The following TUSC3 variants were observed in gnomAD, a reference collection of about 807,000 sequenced individuals.
The protein encoded by TUSC3 is dolichyl-diphosphooligosaccharide--protein glycosyltransferase subunit TUSC3.
In TUSC3, 45 loss-of-function variants were observed where a neutral mutation model predicts 44.8. That is an observed-to-expected ratio of 1.00 (90% CI 0.79 to 1.29). The LOEUF is 1.29. Ranked by LOEUF, TUSC3 falls within the 50% of genes most tolerant of loss-of-function variation. The pLI is 0.00. For synonymous variants in TUSC3, 212 were observed against 152.9 expected (o/e 1.39, Z -2.85); for missense variants, 519 against 437.9 (o/e 1.19, Z -1.65).
At chr8:15,631,655 G>A (rs954891477) in intron 2 of TUSC3, among the ~76,000 whole-genome samples, 1 of 147,948 alleles carries the variant, frequency 6.8e-6, no homozygotes, top group African/African-American at 2.5e-5. Context: ...TACATCTCTT[G>A]AGTTTAAGGC....
intron 1 of TUSC3, among the ~76,000 whole-genome samples, chr8:15,593,807 G>A (rs566753225): frequency 2.6e-5 from 4 of 151,390 alleles, no homozygotes; most frequent in East Asian, 1.9e-4. Context: ...GTTTACCATC[G>A]TCCAGTCCCT....
chr8:15,650,666 T>G (rs1312786737), intron 2 of TUSC3, 31 bp from the exon 3 acceptor site: 1 of 1,587,068 alleles, frequency 6.3e-7, no homozygotes, highest in Non-Finnish European at 8.7e-7. Context: ...AGTACTGATG[T>G]GTTTCTACTA....
At chr8:15,774,851 G>T in the TUSC3 span, among the ~76,000 whole-genome samples, 6 of 152,080 alleles carry the variant, frequency 3.9e-5, no homozygotes, top group South Asian at 4.1e-4. Context: ...CAGATGTGAA[G>T]AAAATGAAGC....
At chr8:15,565,545 G>C (rs756192899) in intron 1 of TUSC3, among the ~76,000 whole-genome samples, 8 of 152,140 alleles carry the variant, frequency 5.3e-5, no homozygotes, top group Admixed American at 2.0e-4. Context: ...ATACACTCCA[G>C]GTGTAGAAAT....
intron 6 of TUSC3, among the ~76,000 whole-genome samples, chr8:15,680,839 G>T (rs1219934677): frequency 1.3e-5 from 2 of 151,948 alleles, no homozygotes; most frequent in East Asian, 1.9e-4. Context: ...CTATTGTGAT[G>T]ATATGGTTTT....
At chr8:15,521,404 CAG>C (rs1213987324) in intron 2 of TUSC3, among the ~76,000 whole-genome samples, 2 of 152,098 alleles carry the variant, frequency 1.3e-5, no homozygotes, top group African/African-American at 4.8e-5. Context: ...AGGAATGAAA[CAG>C]AGAAAAGGCA....
At chr8:15,754,819 T>G (rs1811856284) in intron 9 of TUSC3, among the ~76,000 whole-genome samples, 1 of 152,084 alleles carries the variant, frequency 6.6e-6, no homozygotes, top group African/African-American at 2.4e-5. Flanking sequence ...TTCCTCACAA[T>G]TTTGAATTTT....
At chr8:15,486,730 A>C (rs1381225323) in intron 2 of TUSC3, among the ~76,000 whole-genome samples, 1 of 152,170 alleles carries the variant, frequency 6.6e-6, no homozygotes, top group Non-Finnish European at 1.5e-5. Flanking sequence ...GGCACAAGCC[A>C]CCGCGCCTGG....
intron 1 of TUSC3, among the ~76,000 whole-genome samples, chr8:15,430,004 A>C (rs1799852406): frequency 6.6e-6 from 1 of 151,602 alleles, no homozygotes; most frequent in African/African-American, 2.4e-5. Flanking sequence ...CAACCAAAAA[A>C]AATCCAGGAC....
intron 6 of TUSC3, among the ~76,000 whole-genome samples, chr8:15,676,424 C>G (rs937227771): frequency 6.6e-6 from 1 of 152,044 alleles, no homozygotes; most frequent in African/African-American, 2.4e-5. Context: ...TGTAGGGTGT[C>G]TTTTTAGTCT....
rs1178409351 is a variant in TUSC3 at position 15,459,877 on chromosome 8, TACATAC to T, written n.92-23507_92-23502del. On this transcript the variant is annotated intron_variant and non_coding_transcript_variant, in intron 1 of 5. Transcript: ENST00000503191. ...GTGTATGTGTGTGTGTGTGTGTGTA[TACATAC>T]ATACATACATACATACATACACACA... Among the ~76,000 whole-genome samples, 98 of 141,770 alleles carry T rather than the reference TACATAC, an allele frequency of 6.9e-4. 1 individual carries two copies. The highest frequency in any genetic ancestry group is 2.7e-3 in the African/African-American group (91 of 33,228). 93.0% of individuals were successfully genotyped at this position (141,770 alleles called of 152,430 possible).
chr8:15,774,714 T>G, the TUSC3 span, among the ~76,000 whole-genome samples: 1 of 152,068 alleles, frequency 6.6e-6, no homozygotes, highest in Non-Finnish European at 1.5e-5. Context: ...ATGTCAACAA[T>G]CACATAAGGT....
At chr8:15,530,516 G>A (rs1430041138) in intron 2 of TUSC3, among the ~76,000 whole-genome samples, 4 of 152,140 alleles carry the variant, frequency 2.6e-5, no homozygotes, top group Admixed American at 2.6e-4. Flanking sequence ...ACTGAGCACA[G>A]AGATGTGAAA....
chr8:15,540,715 G>A, intron 1 of TUSC3, 147 bp downstream of exon 1: 1 of 1,149,688 alleles, frequency 8.7e-7, no homozygotes, highest in Non-Finnish European at 1.2e-6. Context: ...AGGGTGGGAG[G>A]CCCTGGGGCG....
In TUSC3 at chr8:15,700,849, C is replaced by CTTTTTTTTTTTTTTTTTTTTTTTT. The variant is rs71211076; in HGVS notation, c.798+27031_798+27032insTTTTTTTTTTTTTTTTTTTTTTTT. Among the ~76,000 whole-genome samples, 87 of 90,534 alleles carry CTTTTTTTTTTTTTTTTTTTTTTTT rather than the reference C, an allele frequency of 9.6e-4. 7 individuals are homozygous for CTTTTTTTTTTTTTTTTTTTTTTTT. Among genetic ancestry groups the CTTTTTTTTTTTTTTTTTTTTTTTT allele is most frequent in the African/African-American group, 1.7e-3 (34 of 20,412 alleles). 59.4% of individuals were successfully genotyped at this position (90,534 alleles called of 152,430 possible). On this transcript the variant is annotated intron_variant, in intron 6 of 10. Transcript: ENST00000503731. Reference sequence around the variant, plus strand: ...CTTTCACTAGAGGGAATGGCTGGAGCTTTTTTTTTTTTTTTTTTGCTTTGC... The same window carrying CTTTTTTTTTTTTTTTTTTTTTTTT: ...CTTTCACTAGAGGGAATGGCTGGAGCTTTTTTTTTTTTTTTTTTTTTTTTTTTTTTTTTTTTTTTTTTGCTTTGC...
intron 5 of TUSC3, among the ~76,000 whole-genome samples, chr8:15,672,768 C>A (rs1253570998): frequency 6.6e-6 from 1 of 152,016 alleles, no homozygotes; most frequent in Non-Finnish European, 1.5e-5. Flanking sequence ...CCATCTTCTT[C>A]CCTTTTGTAT....
chr8:15,558,953 G>A (rs1802362812), intron 1 of TUSC3, among the ~76,000 whole-genome samples: 1 of 150,740 alleles, frequency 6.6e-6, no homozygotes, highest in Admixed American at 6.6e-5. Flanking sequence ...CAAAAAACCA[G>A]CTCCTGGATT....
chr8:15,662,717 G>C (rs1807479185), intron 5 of TUSC3, among the ~76,000 whole-genome samples: 1 of 151,890 alleles, frequency 6.6e-6, no homozygotes, highest in Non-Finnish European at 1.5e-5. Context: ...GCGATATAAA[G>C]TTAAGAAATA....
Position 15,511,368 on chromosome 8 carries a change from C to T in TUSC3, n.189+27885C>T, listed in dbSNP as rs73536427. Among the ~76,000 whole-genome samples, 1,422 of 151,946 alleles carry T rather than the reference C, an allele frequency of 9.4e-3. 25 individuals carry two copies. Among genetic ancestry groups the T allele is most frequent in the African/African-American group, 0.032 (1,312 of 41,440 alleles). On this transcript the variant is annotated intron_variant and non_coding_transcript_variant, in intron 2 of 5. Transcript: ENST00000503191. ...AGTTTTGGTAGATGATATGATTATG[C>T]ATATAAATAGAAAATGTGATGGAAT...
Sources: allele counts gnomAD v4.1 joint callset (sites outside exome capture counted in the v4.1 genomes callset), GRCh38; gene constraint gnomAD v4.1.1; transcripts MANE v1.5; gene names NCBI Gene and HGNC (gene_info 2026-07-23, HGNC 2026-07-21).